CPVL: variants seen among roughly 807,000 people sequenced by gnomAD.
CPVL encodes the protein probable serine carboxypeptidase CPVL.
A neutral mutation model predicts 63.7 loss-of-function variants in CPVL; 51 were observed. The observed-to-expected ratio is 0.80, with a 90% CI of 0.64 to 1.01. CPVL has a LOEUF of 1.01. Among genes scored for constraint, CPVL ranks in the 50% least tolerant of loss-of-function variants. The pLI, the probability that CPVL is intolerant of heterozygous loss-of-function variation, is 0.00. For synonymous variants in CPVL, 195 were observed against 206.0 expected (o/e 0.95, Z 0.46); for missense variants, 530 against 573.1 (o/e 0.92, Z 0.77).
intron 5 of CPVL, among the ~76,000 whole-genome samples, chr7:29,093,415 G>A (rs1028447644): frequency 1.3e-5 from 2 of 150,640 alleles, no homozygotes; most frequent in Non-Finnish European, 3.0e-5. Context: ...AACTCTTTAG[G>A]CTGAAGAAAA....
chr7:29,082,118 A>G (rs1017028861), intron 7 of CPVL, among the ~76,000 whole-genome samples: 2 of 152,210 alleles, frequency 1.3e-5, no homozygotes, highest in African/African-American at 4.8e-5. Flanking sequence ...TTAGAAGAGA[A>G]AGGAATTTTC....
intron 5 of CPVL, among the ~76,000 whole-genome samples, chr7:29,172,263 C>T (rs961906223): frequency 9.2e-5 from 14 of 152,212 alleles, no homozygotes; most frequent in Non-Finnish European, 1.5e-5. Flanking sequence ...TTCTTGAAAG[C>T]ATGGTTGCTG....
chr7:29,112,572 AC>A, intron 3 of CPVL, 131 bp downstream of exon 3: 1 of 607,006 alleles, frequency 1.6e-6, no homozygotes, highest in Non-Finnish European at 2.9e-6. Flanking sequence ...TTTTAGAAAA[AC>A]AAAAATCTTA....
chr7:28,996,553 A>AC (rs1285628417), intron 12 of CPVL, among the ~76,000 whole-genome samples: 96 of 151,684 alleles, frequency 6.3e-4, no homozygotes, highest in African/African-American at 2.2e-3. Flanking sequence ...AAAAAACAAA[A>AC]AAAAAAAAAA....
chr7:29,063,034 C>T (rs543084691), intron 11 of CPVL, among the ~76,000 whole-genome samples: 6 of 152,058 alleles, frequency 3.9e-5, no homozygotes, highest in Admixed American at 1.3e-4. Flanking sequence ...GAGCTGAGAG[C>T]GTAGTACCAG....
At position 29,093,622 on chromosome 7, in the gene CPVL, A is replaced by C. The variant is rs567852404; in HGVS notation, c.463-920T>G. Among the ~76,000 whole-genome samples, 6 of 152,332 alleles carry C rather than the reference A, an allele frequency of 3.9e-5. No homozygotes were observed. In the South Asian group the frequency reaches 1.2e-3, roughly 32 times the overall value. On this transcript the variant is annotated intron_variant, in intron 5 of 12. Transcript: ENST00000265394. Reference sequence around the variant, plus strand: ...TCACAGACAACTGAACTGCAAATTCAAAAGAAACTGAACTGCAAATTCAAA... The same window carrying C: ...TCACAGACAACTGAACTGCAAATTCCAAAGAAACTGAACTGCAAATTCAAA...
At chr7:29,101,283 T>C (rs1787090318) in intron 3 of CPVL, among the ~76,000 whole-genome samples, 1 of 152,206 alleles carries the variant, frequency 6.6e-6, no homozygotes, top group South Asian at 2.1e-4. Flanking sequence ...AGCAAGACAA[T>C]TAATGCATTT....
intron 3 of CPVL, among the ~76,000 whole-genome samples, chr7:29,111,732 A>G (rs1454427134): frequency 6.6e-6 from 1 of 152,200 alleles, no homozygotes; most frequent in East Asian, 1.9e-4. Context: ...AAGAAAATAT[A>G]ACTCAATAGT....
chr7:29,158,482 C>G (rs1183986402), intron 5 of CPVL, among the ~76,000 whole-genome samples: 3 of 151,988 alleles, frequency 2.0e-5, no homozygotes, highest in Non-Finnish European at 2.9e-5. Context: ...CCTGAAAATT[C>G]AGGCAGAATG....
chr7:29,040,009 G>A (rs1788916457), intron 11 of CPVL, among the ~76,000 whole-genome samples: 2 of 152,064 alleles, frequency 1.3e-5, no homozygotes, highest in African/African-American at 4.8e-5. Flanking sequence ...AGCTATTCCA[G>A]GCTGCACAGC....
At chr7:28,996,550 A>C (rs1193050508) in intron 12 of CPVL, among the ~76,000 whole-genome samples, 2 of 132,582 alleles carry the variant, frequency 1.5e-5, no homozygotes, top group Non-Finnish European at 3.3e-5. Context: ...ACCAAAAAAC[A>C]AAAAAAAAAA....
At chr7:29,106,339 G>T (rs577103707) in intron 3 of CPVL, among the ~76,000 whole-genome samples, 1 of 152,204 alleles carries the variant, frequency 6.6e-6, no homozygotes, top group East Asian at 1.9e-4. Flanking sequence ...GGTATATTGT[G>T]TTCATACTGG....
At chr7:29,054,633 T>G (rs1016238899) in intron 11 of CPVL, among the ~76,000 whole-genome samples, 1 of 152,250 alleles carries the variant, frequency 6.6e-6, no homozygotes, top group Non-Finnish European at 1.5e-5. Flanking sequence ...TGTGCTTCAG[T>G]ACATGTGTCT....
At chr7:29,031,214 A>G (rs1018891046) in intron 11 of CPVL, among the ~76,000 whole-genome samples, 3 of 152,140 alleles carry the variant, frequency 2.0e-5, no homozygotes, top group African/African-American at 7.2e-5. Context: ...CCTCTCCTAC[A>G]TTGATTTCAG....
intron 3 of CPVL, among the ~76,000 whole-genome samples, chr7:29,098,613 A>C (rs1245621518): frequency 6.6e-6 from 1 of 152,238 alleles, no homozygotes; most frequent in Admixed American, 6.5e-5. Context: ...GAGCAGCCTG[A>C]AGCTCCAGGG....
Position 29,088,172 on chromosome 7 carries a change from A to G in CPVL, c.543-1622T>C, listed in dbSNP as rs1785400382. Among the ~76,000 whole-genome samples, 2 of 152,232 alleles carry G rather than the reference A, an allele frequency of 1.3e-5. 1 individual carries two copies. The highest frequency in any genetic ancestry group is 4.1e-4 in the South Asian group (2 of 4,834). ...TAGGGTTGCTGGATTTAGCAAATGA[A>G]AACATAAGACATGGCTTAATTTTGA... On this transcript the variant is annotated intron_variant, in intron 6 of 12. Coordinates refer to ENST00000265394, the MANE Select transcript of CPVL (RefSeq NM_031311.5).
chr7:29,096,023 T>C, intron 4 of CPVL, 80 bp downstream of exon 4: 1 of 1,091,942 alleles, frequency 9.2e-7, no homozygotes, highest in Non-Finnish European at 1.4e-6. Context: ...TGGTTCAGTG[T>C]TTACTCTAAA....
chr7:29,179,096 G>A (rs1158895377), intron 5 of CPVL, among the ~76,000 whole-genome samples: 1 of 152,116 alleles, frequency 6.6e-6, no homozygotes, highest in Non-Finnish European at 1.5e-5. Flanking sequence ...CCAATATCAT[G>A]CTGACACACT....
At chr7:29,005,901 A>T (rs1169097701) in intron 12 of CPVL, among the ~76,000 whole-genome samples, 2 of 152,178 alleles carry the variant, frequency 1.3e-5, no homozygotes, top group African/African-American at 4.8e-5. Context: ...TATGATCTAC[A>T]TTTGTAGTTT....
Sources: gnomAD v4.1 joint callset for allele counts (sites outside exome capture counted in the v4.1 genomes callset) on GRCh38, gnomAD v4.1.1 for gene constraint, MANE v1.5 for transcripts, NCBI Gene and HGNC (gene_info 2026-07-23, HGNC 2026-07-21) for gene names.